SORD: variants seen among roughly 807,000 people sequenced by gnomAD.
SORD encodes (R,R)-butanediol dehydrogenase.
Under a neutral mutation model 35.6 loss-of-function variants are expected in SORD, and 18 were observed. The ratio of observed to expected loss-of-function variants is 0.51; its 90% CI spans 0.35 to 0.75. The LOEUF is 0.75. SORD is among the 30% of genes least tolerant of loss of function. SORD has a pLI of 0.01. For synonymous variants in SORD, 106 were observed against 152.9 expected (o/e 0.69, Z 2.26); for missense variants, 250 against 390.2 (o/e 0.64, Z 3.03).
chr15:45,035,340 A>G (rs1892846338), intron 1 of SORD, among the ~76,000 whole-genome samples: 1 of 152,142 alleles, frequency 6.6e-6, no homozygotes, highest in East Asian at 1.9e-4. Flanking sequence ...TCTAGCTCAG[A>G]GCTTGTAAAT....
At chr15:45,069,756 G>C (rs1893479109) in intron 7 of SORD, 1 of 152,214 alleles carries the variant, frequency 6.6e-6, no homozygotes, top group South Asian at 2.1e-4. Context: ...GAGGAAAACT[G>C]CAGTCTTTAG....
chr15:45,056,561 C>A (rs989187740), intron 3 of SORD, among the ~76,000 whole-genome samples: 1 of 152,148 alleles, frequency 6.6e-6, no homozygotes, highest in Admixed American at 6.5e-5. Flanking sequence ...GCCATACTGC[C>A]CCAGGTAACT....
rs1450698543 is a variant in SORD at position 45,068,204 on chromosome 15, C to T, written c.568C>T (p.Leu190Phe). The T allele has an allele frequency of 6.2e-7, 1 of 1,613,826 alleles. No homozygotes were observed. Among genetic ancestry groups the T allele is most frequent in the Non-Finnish European group, 8.5e-7 (1 of 1,179,726 alleles). The change falls in exon 6 of 9, where the codon CTC becomes TTC. Residue 190 changes from leucine to phenylalanine, a missense_variant. Transcript: ENST00000267814. ...GAGPIGMVTLLVAKAMGAAQV... is the reference protein window; with the variant it reads ...GAGPIGMVTLFVAKAMGAAQV... ...AGGGCCAATCGGGATGGTCACTTTG[C>T]TCGTGGCCAAAGCAATGGGAGCAGC...
intron 1 of SORD, among the ~76,000 whole-genome samples, chr15:45,030,131 C>T (rs76254669): frequency 0.014 from 2,202 of 152,162 alleles, 18 homozygotes; most frequent in Middle Eastern, 0.031. Flanking sequence ...CTTGGCTTTC[C>T]GGCTTTAAAC....
chr15:45,029,614 C>T (rs1416720350), intron 1 of SORD, among the ~76,000 whole-genome samples: 4 of 152,252 alleles, frequency 2.6e-5, no homozygotes, highest in African/African-American at 7.2e-5. Flanking sequence ...CCCCTTGCCT[C>T]GCTGCACGGG....
At chr15:45,059,746 C>T (rs1288769314) in intron 3 of SORD, among the ~76,000 whole-genome samples, 1 of 152,146 alleles carries the variant, frequency 6.6e-6, no homozygotes, top group African/African-American at 2.4e-5. Flanking sequence ...CCTTGACCTC[C>T]CAAAGTGCTG....
intron 3 of SORD, among the ~76,000 whole-genome samples, chr15:45,047,936 T>G (rs1171337851): frequency 6.6e-6 from 1 of 152,202 alleles, no homozygotes; most frequent in Non-Finnish European, 1.5e-5. Context: ...AATCCAATTG[T>G]AACTTTGATG....
At chr15:45,064,468 T>C (rs1893373859) in intron 4 of SORD, among the ~76,000 whole-genome samples, 1 of 152,240 alleles carries the variant, frequency 6.6e-6, no homozygotes, top group Non-Finnish European at 1.5e-5. Context: ...AAATATTTGC[T>C]ATCGTCATCA....
chr15:45,052,974 A>G (rs1893151877), intron 3 of SORD, among the ~76,000 whole-genome samples: 1 of 152,222 alleles, frequency 6.6e-6, no homozygotes, highest in African/African-American at 2.4e-5. Context: ...TGAACAAAAG[A>G]CAGAAGGTGC....
chr15:45,072,704 C>G (rs1269184959), intron 8 of SORD, among the ~76,000 whole-genome samples: 1 of 142,272 alleles, frequency 7.0e-6, no homozygotes, highest in Non-Finnish European at 1.5e-5. Context: ...CTTATCCCCC[C>G]CAGGCCCCTT....
chr15:45,052,459 G>A (rs530079910), intron 3 of SORD, among the ~76,000 whole-genome samples: 1 of 152,294 alleles, frequency 6.6e-6, no homozygotes, highest in South Asian at 2.1e-4. Flanking sequence ...TGGGGAACTA[G>A]AGGCCTTGGA....
intron 1 of SORD, among the ~76,000 whole-genome samples, chr15:45,024,172 A>G (rs904875709): frequency 9.2e-5 from 14 of 152,202 alleles, no homozygotes; most frequent in African/African-American, 3.4e-4. Context: ...CTCCCTTGAC[A>G]AAGTCCCTCT....
chr15:45,035,136 T>G (rs35769013), intron 1 of SORD, among the ~76,000 whole-genome samples: 9,484 of 152,186 alleles, frequency 0.062, 384 homozygotes, highest in South Asian at 0.11. Flanking sequence ...TGGGCTCCTG[T>G]GCAGCCTGAG....
Position 45,061,347 on chromosome 15 carries a change from C to G in SORD, c.425+121C>G, listed in dbSNP as rs546366250. On this transcript the variant is annotated intron_variant, in intron 4 of 8. Coordinates refer to ENST00000267814, the MANE Select transcript of SORD (RefSeq NM_003104.6). ...CATAATTCCAAACATGAGGCATCAC[C>G]TGGACAGGCTACTCTTCTTGGTGGC... 1.6e-4 allele frequency: 167 copies of G among 1,051,906 alleles called. No homozygotes were observed. In the South Asian group the frequency reaches 1.8e-3, roughly 11 times the overall value. The allele number at this position is 1,051,906 out of a possible 1,614,324, so 65.2% of individuals were successfully genotyped here.
intron 5 of SORD, among the ~76,000 whole-genome samples, chr15:45,067,196 T>C (rs1893420550): frequency 1.3e-5 from 2 of 152,134 alleles, no homozygotes; most frequent in Non-Finnish European, 2.9e-5. Flanking sequence ...ACCCCGTCTC[T>C]ACTAAAAATA....
intron 1 of SORD, among the ~76,000 whole-genome samples, chr15:45,030,505 G>A (rs1370148288): frequency 6.6e-6 from 1 of 152,206 alleles, no homozygotes; most frequent in East Asian, 1.9e-4. Flanking sequence ...ATTTTGCAAA[G>A]TAATATTCAA....
At chr15:45,023,713 G>C (rs972572807) in intron 1 of SORD, among the ~76,000 whole-genome samples, 4 of 152,184 alleles carry the variant, frequency 2.6e-5, no homozygotes, top group East Asian at 1.9e-4. Flanking sequence ...CTGAATTATC[G>C]GGGCAGACCG....
At chr15:45,063,349 A>G (rs536551179) in intron 4 of SORD, among the ~76,000 whole-genome samples, 27 of 152,148 alleles carry the variant, frequency 1.8e-4, no homozygotes, top group Non-Finnish European at 3.7e-4. Flanking sequence ...AAAAACTACC[A>G]AGTTGCCTCA....
intron 1 of SORD, among the ~76,000 whole-genome samples, chr15:45,025,700 G>A (rs2576080): frequency 2.0e-5 from 3 of 151,938 alleles, no homozygotes; most frequent in African/African-American, 7.3e-5. Context: ...GGGTGCAGGG[G>A]TCTGGAGTGC....
Sources: gnomAD v4.1 joint callset for allele counts (sites outside exome capture counted in the v4.1 genomes callset) on GRCh38, gnomAD v4.1.1 for gene constraint, MANE v1.5 for transcripts, NCBI Gene and HGNC (gene_info 2026-07-23, HGNC 2026-07-21) for gene names.